The following SCHIP1 variants were observed in gnomAD, a reference collection of about 807,000 sequenced individuals.
SCHIP1 encodes the protein schwannomin-interacting protein 1.
In SCHIP1, 8 loss-of-function variants were observed where a neutral mutation model predicts 29.7. That is an observed-to-expected ratio of 0.27 (90% CI 0.16 to 0.49). The LOEUF is 0.49. Among genes scored for constraint, SCHIP1 ranks in the 20% least tolerant of loss-of-function variants. SCHIP1 has a pLI of 0.99. For synonymous variants in SCHIP1, 76 were observed against 94.9 expected, an observed-to-expected ratio of 0.80 and a Z score of 1.16; for missense variants, 193 against 294.6, an observed-to-expected ratio of 0.66 and a Z score of 2.52.
At chr3:159,483,045 A>G in the SCHIP1 span, among the ~76,000 whole-genome samples, 25,867 of 152,140 alleles carry the variant, frequency 0.17, 2,435 homozygotes, top group South Asian at 0.35. Flanking sequence ...TCTTCAAAGC[A>G]GCCTCCCGAC....
At chr3:159,521,171 A>T in the SCHIP1 span, among the ~76,000 whole-genome samples, 2 of 152,224 alleles carry the variant, frequency 1.3e-5, no homozygotes, top group Non-Finnish European at 2.9e-5. Flanking sequence ...TGAATCTACA[A>T]AGTGACCTCA....
At chr3:159,709,733 A>G in the SCHIP1 span, among the ~76,000 whole-genome samples, 1 of 152,232 alleles carries the variant, frequency 6.6e-6, no homozygotes, top group Non-Finnish European at 1.5e-5. Context: ...GAGGAAATGC[A>G]TGATTGAGCA....
At chr3:159,570,687 C>A in the SCHIP1 span, among the ~76,000 whole-genome samples, 1 of 152,132 alleles carries the variant, frequency 6.6e-6, no homozygotes, top group Non-Finnish European at 1.5e-5. Flanking sequence ...TGAAGAAAGT[C>A]ATTGGTAGCT....
At chr3:159,613,531 A>G in the SCHIP1 span, among the ~76,000 whole-genome samples, 2 of 152,206 alleles carry the variant, frequency 1.3e-5, no homozygotes, top group Non-Finnish European at 2.9e-5. Context: ...TTCCTGTTTG[A>G]AGGCATTTTC....
chr3:159,389,780 G>A, the SCHIP1 span, among the ~76,000 whole-genome samples: 1 of 151,906 alleles, frequency 6.6e-6, no homozygotes, highest in South Asian at 2.1e-4. Context: ...AGTTGTCCAT[G>A]GTGACTCTAC....
intron 2 of SCHIP1, among the ~76,000 whole-genome samples, chr3:159,884,208 C>A: frequency 6.6e-6 from 1 of 151,892 alleles, no homozygotes; most frequent in East Asian, 1.9e-4. Flanking sequence ...ATCCATAGAA[C>A]TTGAGTATTA....
At chr3:159,396,232 T>A in the SCHIP1 span, among the ~76,000 whole-genome samples, 1 of 151,436 alleles carries the variant, frequency 6.6e-6, no homozygotes, top group Admixed American at 6.6e-5. Context: ...TTGAGATGGG[T>A]TTCCTGAATA....
chr3:159,340,537 A>G, the SCHIP1 span, among the ~76,000 whole-genome samples: 2 of 152,188 alleles, frequency 1.3e-5, no homozygotes, highest in Admixed American at 1.3e-4. Context: ...TGAGTAATCA[A>G]TAAAAGACTT....
the SCHIP1 span, among the ~76,000 whole-genome samples, chr3:159,283,970 T>C: frequency 1.3e-5 from 2 of 152,204 alleles, no homozygotes; most frequent in African/African-American, 4.8e-5. Context: ...TTTTATGGTA[T>C]GTTGTTTAAG....
chr3:159,326,523 T>A, the SCHIP1 span, among the ~76,000 whole-genome samples: 1 of 152,156 alleles, frequency 6.6e-6, no homozygotes, highest in South Asian at 2.1e-4. Flanking sequence ...ACATAGCCCA[T>A]TTTTAAGGTC....
intron 1 of SCHIP1, among the ~76,000 whole-genome samples, chr3:159,840,445 T>C (rs1013480585): frequency 1.3e-5 from 2 of 152,216 alleles, no homozygotes; most frequent in African/African-American, 2.4e-5. Flanking sequence ...GGAGGTGATA[T>C]GTGCTTTGCA....
the SCHIP1 span, among the ~76,000 whole-genome samples, chr3:159,414,572 C>A: frequency 6.6e-6 from 1 of 152,066 alleles, no homozygotes; most frequent in South Asian, 2.1e-4. Context: ...TGTAGTATTG[C>A]TATATTATCA....
chr3:159,653,929 A>G, the SCHIP1 span, among the ~76,000 whole-genome samples: 1 of 152,296 alleles, frequency 6.6e-6, no homozygotes, highest in South Asian at 2.1e-4. Flanking sequence ...ATATGACTGT[A>G]TTAAATTATC....
At chr3:159,313,978 A>C in the SCHIP1 span, among the ~76,000 whole-genome samples, 1 of 152,218 alleles carries the variant, frequency 6.6e-6, no homozygotes, top group South Asian at 2.1e-4. Context: ...TTGCTGTGTC[A>C]TATAAGGAGC....
the SCHIP1 span, among the ~76,000 whole-genome samples, chr3:159,633,708 G>C: frequency 6.6e-6 from 1 of 152,080 alleles, no homozygotes; most frequent in Non-Finnish European, 1.5e-5. Context: ...CATATATATG[G>C]CTCAAGAAAT....
chr3:159,383,782 A>G, the SCHIP1 span, among the ~76,000 whole-genome samples: 2 of 150,456 alleles, frequency 1.3e-5, no homozygotes, highest in Non-Finnish European at 3.0e-5. Flanking sequence ...CTTTTATTTC[A>G]TTGAGCAGTA....
chr3:159,863,786 T>A (rs553083878), intron 1 of SCHIP1, among the ~76,000 whole-genome samples: 19 of 152,272 alleles, frequency 1.2e-4, no homozygotes, highest in Middle Eastern at 3.4e-3. Context: ...CTTTAAACTG[T>A]TAGTGAAGTA....
the SCHIP1 span, among the ~76,000 whole-genome samples, chr3:159,646,165 T>C: frequency 6.6e-6 from 1 of 152,132 alleles, no homozygotes; most frequent in South Asian, 2.1e-4. Context: ...GGAATTCTGA[T>C]GGGGGAAGAT....
chr3:159,424,365 G>A, the SCHIP1 span, among the ~76,000 whole-genome samples: 11 of 152,166 alleles, frequency 7.2e-5, no homozygotes, highest in African/African-American at 2.7e-4. Context: ...GGAGCTGAAA[G>A]CCAAGGCTCG....
Sources: allele counts gnomAD v4.1 joint callset (sites outside exome capture counted in the v4.1 genomes callset), GRCh38; gene constraint gnomAD v4.1.1; transcripts MANE v1.5; gene names NCBI Gene and HGNC (gene_info 2026-07-23, HGNC 2026-07-21).